SEMA5A: variants seen among roughly 807,000 people sequenced by gnomAD.
The protein encoded by SEMA5A is semaphorin-5A.
Under a neutral mutation model 135.5 loss-of-function variants are expected in SEMA5A, and 55 were observed. That is an observed-to-expected ratio of 0.41 (90% CI 0.33 to 0.51). The LOEUF is 0.51. SEMA5A is among the 20% of genes least tolerant of loss of function. The probability of loss-of-function intolerance (pLI) is 0.37; values close to 1 mark genes in which losing one functional copy is unlikely to be tolerated. For synonymous variants in SEMA5A, 580 were observed against 546.5 expected (o/e 1.06, Z -0.85); for missense variants, 1,290 against 1,419.9 (o/e 0.91, Z 1.47).
At chr5:9,267,989 T>C (rs1298991803) in intron 5 of SEMA5A, among the ~76,000 whole-genome samples, 1 of 152,094 alleles carries the variant, frequency 6.6e-6, no homozygotes, top group East Asian at 1.9e-4. Context: ...AGTTATCACA[T>C]CCTGTATCAT....
intron 2 of SEMA5A, among the ~76,000 whole-genome samples, chr5:9,404,783 G>T (rs1379412797): frequency 2.6e-5 from 4 of 152,178 alleles, no homozygotes; most frequent in Non-Finnish European, 5.9e-5. Context: ...AGCCACTAGT[G>T]AATAAACAAA....
intron 1 of SEMA5A, among the ~76,000 whole-genome samples, chr5:9,538,811 G>A (rs894448008): frequency 6.6e-6 from 1 of 152,176 alleles, no homozygotes. Flanking sequence ...GCACCCACTG[G>A]CCCTGGCGCT....
intron 2 of SEMA5A, among the ~76,000 whole-genome samples, chr5:9,399,389 A>T (rs926472627): frequency 2.0e-5 from 3 of 152,214 alleles, no homozygotes; most frequent in African/African-American, 4.8e-5. Flanking sequence ...TTACGATTCC[A>T]TGTATATAAA....
intron 2 of SEMA5A, among the ~76,000 whole-genome samples, chr5:9,408,943 G>A (rs1757003380): frequency 1.3e-5 from 2 of 152,184 alleles, no homozygotes; most frequent in Non-Finnish European, 1.5e-5. Context: ...CTGAGAGCAC[G>A]TTGAAGAAAA....
chr5:9,249,085 G>A (rs975798172), intron 5 of SEMA5A, among the ~76,000 whole-genome samples: 1 of 152,196 alleles, frequency 6.6e-6, no homozygotes, highest in Non-Finnish European at 1.5e-5. Context: ...AAACATCTGG[G>A]CCAGGCCCAT....
intron 14 of SEMA5A, among the ~76,000 whole-genome samples, chr5:9,122,137 A>C (rs1012335044): frequency 2.0e-5 from 3 of 152,150 alleles, no homozygotes; most frequent in Non-Finnish European, 4.4e-5. Flanking sequence ...AATAAAACAA[A>C]CACCACCACA....
intron 2 of SEMA5A, among the ~76,000 whole-genome samples, chr5:9,427,294 G>A (rs1261848801): frequency 6.6e-6 from 1 of 152,024 alleles, no homozygotes; most frequent in Non-Finnish European, 1.5e-5. Context: ...CTGGGTAACA[G>A]AGAAGACTCT....
chr5:9,127,334 G>C (rs76677243), intron 13 of SEMA5A, among the ~76,000 whole-genome samples: 1 of 152,126 alleles, frequency 6.6e-6, no homozygotes, highest in Admixed American at 6.6e-5. Context: ...CAAGTTCTGG[G>C]AATGCCTCTA....
At chr5:9,317,159 A>G (rs149791998) in intron 5 of SEMA5A, among the ~76,000 whole-genome samples, 7 of 152,308 alleles carry the variant, frequency 4.6e-5, no homozygotes, top group Admixed American at 2.6e-4. Flanking sequence ...AATTAGCTCA[A>G]TGAAAGACTC....
chr5:9,382,205 CAGG>C (rs1371637788), intron 2 of SEMA5A, among the ~76,000 whole-genome samples: 6 of 152,080 alleles, frequency 3.9e-5, no homozygotes, highest in African/African-American at 1.4e-4. Flanking sequence ...GTGGCTGAAG[CAGG>C]AGGATTGCAT....
At chr5:9,241,451 T>C (rs1169900078) in intron 5 of SEMA5A, among the ~76,000 whole-genome samples, 1 of 151,440 alleles carries the variant, frequency 6.6e-6, no homozygotes, top group African/African-American at 2.4e-5. Flanking sequence ...GAGTCAACAG[T>C]GTTCATTTTC....
At chr5:9,534,735 C>T (rs268552) in intron 1 of SEMA5A, among the ~76,000 whole-genome samples, 42,513 of 152,036 alleles carry the variant, frequency 0.28, 6,084 homozygotes, top group Non-Finnish European at 0.31. Context: ...GGCAGTGGCA[C>T]GGGCAGCATG....
chr5:9,478,013 C>T (rs1759736309), intron 1 of SEMA5A, among the ~76,000 whole-genome samples: 1 of 152,144 alleles, frequency 6.6e-6, no homozygotes, highest in African/African-American at 2.4e-5. Context: ...AGCCTTGGGA[C>T]ATGATGCGCT....
chr5:9,505,182 T>C (rs1363272901), intron 1 of SEMA5A, among the ~76,000 whole-genome samples: 2 of 152,086 alleles, frequency 1.3e-5, no homozygotes, highest in Non-Finnish European at 2.9e-5. Flanking sequence ...CCTACAATGA[T>C]AAGCTGATTT....
intron 3 of SEMA5A, among the ~76,000 whole-genome samples, chr5:9,339,302 T>A (rs1041811924): frequency 1.3e-5 from 2 of 151,978 alleles, no homozygotes; most frequent in Non-Finnish European, 1.5e-5. Flanking sequence ...AGAGCTGCAG[T>A]AAAACAAGAG....
intron 16 of SEMA5A, among the ~76,000 whole-genome samples, chr5:9,101,335 A>G (rs1186873035): frequency 6.6e-6 from 1 of 152,296 alleles, no homozygotes; most frequent in East Asian, 1.9e-4. Flanking sequence ...CAACCTTCCT[A>G]CAACCTGGAC....
chr5:9,375,255 G>T (rs775166759), intron 3 of SEMA5A, among the ~76,000 whole-genome samples: 8 of 152,102 alleles, frequency 5.3e-5, no homozygotes, highest in Non-Finnish European at 1.0e-4. Context: ...CTCTGAATGT[G>T]ACCGTATTTG....
In SEMA5A at chr5:9,202,020, G is replaced by A. The variant is rs754415834; in HGVS notation, c.867C>T (p.Asn289=). 6.2e-6 allele frequency: 10 copies of A among 1,614,190 alleles called. No individual in the cohort carries two copies. The East Asian group carries it at 6.7e-5, about 11-fold the overall frequency. Residue 289 remains asparagine, a synonymous_variant, in exon 9 of 23, where the codon AAC becomes AAT. Coordinates refer to ENST00000382496, the MANE Select transcript of SEMA5A (RefSeq NM_003966.3). ...SRPGEVPFYY[N]ELQSTFFLPE... ...GCAGGAAGAAAGTACTCTGCAATTC[G>A]TTGTAGTAAAAGGGGACTTCCCCAG...
intron 5 of SEMA5A, among the ~76,000 whole-genome samples, chr5:9,288,486 A>G (rs866381167): frequency 6.6e-6 from 1 of 152,190 alleles, no homozygotes; most frequent in African/African-American, 2.4e-5. Flanking sequence ...GCACAGGGGC[A>G]TGACAGCAGT....
Sources: gnomAD v4.1 joint callset for allele counts (sites outside exome capture counted in the v4.1 genomes callset) on GRCh38, gnomAD v4.1.1 for gene constraint, MANE v1.5 for transcripts, NCBI Gene and HGNC (gene_info 2026-07-23, HGNC 2026-07-21) for gene names.